Variants in LMF1 observed in about 807,000 individuals in gnomAD.
The protein encoded by LMF1 is transmembrane protein 112.
LMF1 carries 68 observed loss-of-function variants against 60.6 expected under a neutral mutation model. The ratio of observed to expected loss-of-function variants is 1.12; its 90% CI spans 0.92 to 1.37. The LOEUF (loss-of-function observed/expected upper bound fraction) is 1.37. LMF1 is among the 40% of genes most tolerant of loss of function. LMF1 has a pLI of 0.00. For missense variants in LMF1, 948 were observed against 767.2 expected (o/e 1.24, Z -2.78); for synonymous variants, 418 against 324.7 (o/e 1.29, Z -3.09).
intron 1 of LMF1, among the ~76,000 whole-genome samples, chr16:956,377 TC>T: frequency 6.6e-6 from 1 of 152,006 alleles, no homozygotes; most frequent in East Asian, 1.9e-4. Flanking sequence ...AGAAGCACAT[TC>T]CCATGTGTAA....
chr16:954,263 C>T, intron 2 of LMF1, 94 bp downstream of exon 2: 1 of 1,258,696 alleles, frequency 7.9e-7, no homozygotes, highest in Non-Finnish European at 1.1e-6. Flanking sequence ...AAGATAAACG[C>T]TCGTCCAGTC....
At chr16:855,795 C>A in intron 10 of LMF1, 1 of 456,052 alleles carries the variant, frequency 2.2e-6, no homozygotes, top group South Asian at 1.5e-5. Context: ...CCGGTAGCGA[C>A]TGTCTGGGCT....
At chr16:976,309 G>C in intron 1 of LMF1, 1 of 453,376 alleles carries the variant, frequency 2.2e-6, no homozygotes, top group Non-Finnish European at 4.4e-6. Flanking sequence ...GGGGTCTGGG[G>C]TTCAGTGGAG....
At chr16:906,279 T>C (rs2151749422) in intron 4 of LMF1, among the ~76,000 whole-genome samples, 1 of 152,256 alleles carries the variant, frequency 6.6e-6, no homozygotes, top group East Asian at 1.9e-4. Context: ...CTTGATTGGG[T>C]TGAAGGATGC....
rs2073038743 is a variant in LMF1 at position 970,967 on chromosome 16, C to CT, written c.13dup (p.Ser5LysfsTer24). The CT allele has an allele frequency of 6.6e-7, 1 of 1,525,392 alleles. No homozygotes were observed. The highest frequency in any genetic ancestry group is 1.9e-5 in the Admixed American group (1 of 53,552). 94.5% of individuals were successfully genotyped at this position (1,525,392 alleles called of 1,614,324 possible). A position where few individuals can be genotyped will look rare whatever the true frequency, so the allele number is the denominator to read the frequency against. ...CTCCGCGGGCGCCGCCATTGTTGGGCTGTCAGGGCGCATGTGCGGGGAGGG... is the reference window on the plus strand; with the variant it reads ...CTCCGCGGGCGCCGCCATTGTTGGGCTTGTCAGGGCGCATGTGCGGGGAGGG... On this transcript the variant is annotated frameshift_variant, in exon 1 of 11. Coordinates refer to ENST00000262301, the MANE Select transcript of LMF1 (RefSeq NM_022773.4). LOFTEE classifies it high-confidence loss of function.
At chr16:975,791 C>T, upstream of LMF1, 1 of 453,630 alleles carries the variant, frequency 2.2e-6, no homozygotes, top group Non-Finnish European at 4.4e-6. Flanking sequence ...TTTCATTTGC[C>T]TTTGGCACTA....
intron 10 of LMF1, 94 bp downstream of exon 10, chr16:868,850 T>G: frequency 3.8e-6 from 3 of 786,392 alleles, no homozygotes; most frequent in Non-Finnish European, 4.3e-6. Context: ...GCGCTTCCCG[T>G]GAGCAGGTGG....
chr16:939,908 T>C (rs2072049563), intron 2 of LMF1, among the ~76,000 whole-genome samples: 1 of 152,102 alleles, frequency 6.6e-6, no homozygotes, highest in African/African-American at 2.4e-5. Flanking sequence ...CACATCTTAA[T>C]GCCTGCACCC....
chr16:885,646 G>A (rs890786862), intron 5 of LMF1, among the ~76,000 whole-genome samples: 1 of 152,184 alleles, frequency 6.6e-6, no homozygotes, highest in South Asian at 2.1e-4. Context: ...CAGTCAGGAG[G>A]CCATTTCACA....
intron 4 of LMF1, among the ~76,000 whole-genome samples, chr16:898,235 C>T (rs71380206): frequency 0.011 from 1,631 of 152,340 alleles, 18 homozygotes; most frequent in Non-Finnish European, 0.017. Context: ...CCTGGACAAA[C>T]GCCCTGGGCT....
At chr16:854,899 C>T (rs1464741670) in intron 10 of LMF1, 193 bp from the exon 11 acceptor site, 2 of 637,550 alleles carry the variant, frequency 3.1e-6, no homozygotes, top group East Asian at 5.5e-5. Flanking sequence ...AGTCGGCACC[C>T]TCAGCAGTGA....
At chr16:907,323 C>T (rs560728745) in intron 4 of LMF1, among the ~76,000 whole-genome samples, 1 of 152,216 alleles carries the variant, frequency 6.6e-6, no homozygotes, top group Admixed American at 6.5e-5. Flanking sequence ...ATGGCGTGAA[C>T]CCAGGAGGCA....
chr16:918,262 G>A (rs950704125), intron 3 of LMF1, among the ~76,000 whole-genome samples: 3 of 152,174 alleles, frequency 2.0e-5, no homozygotes, highest in African/African-American at 4.8e-5. Context: ...CCCTGCGCCC[G>A]GCCGCGCGGC....
chr16:931,727 G>C, intron 3 of LMF1: 2 of 1,287,200 alleles, frequency 1.6e-6, no homozygotes, highest in Non-Finnish European at 2.0e-6. Context: ...GGCAGGGAGA[G>C]CACTGCCGAA....
intron 3 of LMF1, among the ~76,000 whole-genome samples, chr16:932,631 C>T (rs2151785315): frequency 6.6e-6 from 1 of 152,176 alleles, no homozygotes; most frequent in South Asian, 2.1e-4. Flanking sequence ...GCTATGTTGC[C>T]CAGGCTGGTC....
chr16:910,862 C>G (rs2071090070), intron 4 of LMF1, 69 bp downstream of exon 4: 1 of 1,590,980 alleles, frequency 6.3e-7, no homozygotes, highest in Non-Finnish European at 8.6e-7. Flanking sequence ...CCTCACCTCT[C>G]CTAGAAGCCT....
chr16:919,274 C>T (rs2071364320), intron 3 of LMF1, among the ~76,000 whole-genome samples: 1 of 152,160 alleles, frequency 6.6e-6, no homozygotes, highest in South Asian at 2.1e-4. Flanking sequence ...TGTGAGCTCA[C>T]ACACTCACAG....
intron 5 of LMF1, among the ~76,000 whole-genome samples, chr16:886,497 C>T (rs1238159157): frequency 6.6e-6 from 1 of 151,990 alleles, no homozygotes; most frequent in African/African-American, 2.4e-5. Flanking sequence ...AACCACCCTG[C>T]AGCGGGCCAC....
chr16:864,371 C>T (rs1028437892), intron 10 of LMF1, among the ~76,000 whole-genome samples: 3 of 152,312 alleles, frequency 2.0e-5, no homozygotes, highest in African/African-American at 2.4e-5. Context: ...GCGAGGGATA[C>T]GCACTCGGTA....
Sources: gnomAD v4.1 joint callset for allele counts (sites outside exome capture counted in the v4.1 genomes callset) on GRCh38, gnomAD v4.1.1 for gene constraint, MANE v1.5 for transcripts, NCBI Gene and HGNC (gene_info 2026-07-23, HGNC 2026-07-21) for gene names.